Variants in C10orf90 observed in about 807,000 individuals in gnomAD.
The protein encoded by C10orf90 is chromosome 10 open reading frame 90.
In C10orf90, 56 loss-of-function variants were observed where a neutral mutation model predicts 62.5. The ratio of observed to expected loss-of-function variants is 0.90; its 90% CI spans 0.72 to 1.12. The LOEUF is 1.12. Ranked by LOEUF, C10orf90 falls within the 50% of genes most tolerant of loss-of-function variation. C10orf90 has a pLI of 0.00. For synonymous variants in C10orf90, 386 were observed against 340.4 expected (o/e 1.13, Z -1.47); for missense variants, 970 against 880.4 (o/e 1.10, Z -1.29).
At chr10:126,458,948 A>G in intron 7 of C10orf90, 92 bp downstream of exon 7, 1 of 1,350,912 alleles carries the variant, frequency 7.4e-7, no homozygotes, top group South Asian at 1.4e-5. Flanking sequence ...CAGTGGCATC[A>G]TTTGGAGCCA....
chr10:126,661,724 T>G (rs1183683336), intron 1 of C10orf90, among the ~76,000 whole-genome samples: 1 of 152,052 alleles, frequency 6.6e-6, no homozygotes, highest in African/African-American at 2.4e-5. Flanking sequence ...GATCTTTTCT[T>G]CTGCAGCATC....
intron 4 of C10orf90, among the ~76,000 whole-genome samples, chr10:126,470,947 T>C (rs1483460093): frequency 2.0e-5 from 3 of 152,220 alleles, no homozygotes; most frequent in Non-Finnish European, 2.9e-5. Flanking sequence ...GGTCTCCATT[T>C]GGTATCTCTG....
At chr10:126,492,334 A>G (rs1861811129) in intron 4 of C10orf90, among the ~76,000 whole-genome samples, 1 of 152,164 alleles carries the variant, frequency 6.6e-6, no homozygotes, top group Non-Finnish European at 1.5e-5. Context: ...AGCCGCCCAT[A>G]ATGAAGACTT....
chr10:126,437,036 G>C lies in C10orf90; in HGVS notation c.2189-7186C>G, dbSNP rs148013412. 5.8e-3 allele frequency among the ~76,000 whole-genome samples: 884 copies of C among 152,194 alleles called. 3 individuals carry two copies. The highest frequency in any genetic ancestry group is 0.011 in the Non-Finnish European group (724 of 68,014). On this transcript the variant is annotated intron_variant, in intron 7 of 9. Transcript: ENST00000488181. ...TGCCAACGACCACTGTTTCCCCAGT[G>C]TTCCTCTCTACACAGGGCACCTATC...
At chr10:126,553,443 G>T (rs889621586) in intron 2 of C10orf90, among the ~76,000 whole-genome samples, 4 of 152,100 alleles carry the variant, frequency 2.6e-5, no homozygotes, top group Non-Finnish European at 5.9e-5. Context: ...ACCACATAAT[G>T]ACATTTCAGT....
chr10:126,626,599 A>G (rs113032221), intron 2 of C10orf90, among the ~76,000 whole-genome samples: 44 of 152,356 alleles, frequency 2.9e-4, no homozygotes, highest in South Asian at 2.1e-3. Flanking sequence ...CATCTTTGAC[A>G]TCACAATTAA....
At chr10:126,429,389 C>T (rs775185579) in intron 8 of C10orf90, among the ~76,000 whole-genome samples, 1 of 152,156 alleles carries the variant, frequency 6.6e-6, no homozygotes, top group Non-Finnish European at 1.5e-5. Context: ...CCTTCAGTCC[C>T]TGCCACAGTC....
intron 2 of C10orf90, among the ~76,000 whole-genome samples, chr10:126,595,465 C>T (rs1845065033): frequency 6.6e-6 from 1 of 152,180 alleles, no homozygotes; most frequent in Non-Finnish European, 1.5e-5. Context: ...TTAAGTGTTA[C>T]TCATTTTCAA....
chr10:126,471,716 A>G (rs2133769416), intron 4 of C10orf90, among the ~76,000 whole-genome samples: 1 of 152,326 alleles, frequency 6.6e-6, no homozygotes, highest in East Asian at 1.9e-4. Flanking sequence ...GTAAAGACTC[A>G]CATGTAGTTG....
intron 3 of C10orf90, among the ~76,000 whole-genome samples, chr10:126,507,324 T>C (rs1862801469): frequency 8.0e-6 from 1 of 125,398 alleles, no homozygotes; most frequent in Admixed American, 1.0e-4. Flanking sequence ...GCCACTGCAC[T>C]CCAGCCTGGG....
chr10:126,453,808 GTTAGGCAGGATT>G lies in C10orf90; in HGVS notation c.2188+5220_2188+5231del, dbSNP rs1264572299. 6.6e-6 allele frequency among the ~76,000 whole-genome samples: 1 copy of G among 152,180 alleles called. No homozygotes were observed. Among genetic ancestry groups the G allele is most frequent in the African/African-American group, 2.4e-5 (1 of 41,446 alleles). On this transcript the variant is annotated intron_variant, in intron 7 of 9. Transcript: ENST00000488181. The surrounding 1 kb of genome is among the most constrained non-coding windows in gnomAD (Gnocchi z 4.9). ...GCTGGACTTGAGAGGGGCTTGCAAG[GTTAGGCAGGATT>G]TTATAGCACAGAGAGGAGGAACAGA... is the stretch of plus-strand genomic sequence containing the variant.
At chr10:126,562,923 C>T (rs187289359) in intron 2 of C10orf90, among the ~76,000 whole-genome samples, 7 of 152,348 alleles carry the variant, frequency 4.6e-5, no homozygotes, top group African/African-American at 1.7e-4. Context: ...TGACTGAACT[C>T]ACTTCTCCCA....
chr10:126,479,509 C>A (rs533460882), intron 4 of C10orf90, among the ~76,000 whole-genome samples: 1 of 152,256 alleles, frequency 6.6e-6, no homozygotes, highest in East Asian at 1.9e-4. Flanking sequence ...TGAGCTCCTG[C>A]GAGGCCCTGA....
At chr10:126,614,096 A>G (rs1330324322) in intron 2 of C10orf90, among the ~76,000 whole-genome samples, 2 of 152,202 alleles carry the variant, frequency 1.3e-5, no homozygotes, top group East Asian at 3.9e-4. Context: ...CAAAACAGCA[A>G]CAGGATATCA....
At chr10:126,430,003 T>C (rs981563819) in intron 7 of C10orf90, among the ~76,000 whole-genome samples, 153 bp from the exon 8 acceptor site, 3 of 152,236 alleles carry the variant, frequency 2.0e-5, no homozygotes, top group Admixed American at 1.3e-4. Flanking sequence ...TGATACACCA[T>C]AAGTGGTTGT....
chr10:126,569,034 C>T (rs944938329), intron 2 of C10orf90, among the ~76,000 whole-genome samples: 7 of 152,008 alleles, frequency 4.6e-5, no homozygotes, highest in East Asian at 1.9e-4. Context: ...GGCAGCAGCC[C>T]GGGGGCAGGG....
intron 7 of C10orf90, among the ~76,000 whole-genome samples, chr10:126,431,018 G>C (rs1002873128): frequency 1.3e-5 from 2 of 152,134 alleles, no homozygotes; most frequent in Non-Finnish European, 2.9e-5. Context: ...TCCCCTGTCT[G>C]GTTATTCAGA....
At chr10:126,447,001 A>C (rs565489711) in intron 7 of C10orf90, among the ~76,000 whole-genome samples, 4 of 152,300 alleles carry the variant, frequency 2.6e-5, no homozygotes, top group African/African-American at 9.6e-5. Flanking sequence ...TAGTAACCAC[A>C]GTGTAAAAAC....
chr10:126,496,238 T>C (rs924024224), intron 4 of C10orf90, among the ~76,000 whole-genome samples: 1 of 152,092 alleles, frequency 6.6e-6, no homozygotes, highest in Non-Finnish European at 1.5e-5. Context: ...CCCCTATTCA[T>C]ATAACTGAAA....
Sources: gnomAD v4.1 joint callset for allele counts (sites outside exome capture counted in the v4.1 genomes callset) on GRCh38, gnomAD v4.1.1 for gene constraint, Gnocchi (gnomAD v3.1) non-coding constraint, MANE v1.5 for transcripts, NCBI Gene and HGNC (gene_info 2026-07-23, HGNC 2026-07-21) for gene names.